Variants in LTBP3 observed in about 807,000 individuals in gnomAD.
The protein encoded by LTBP3 is latent-transforming growth factor beta-binding protein 3.
A neutral mutation model predicts 159.7 loss-of-function variants in LTBP3; 97 were observed. That is an observed-to-expected ratio of 0.61 (90% CI 0.52 to 0.72). The LOEUF (loss-of-function observed/expected upper bound fraction) is 0.72, where lower values mean the gene tolerates loss of function less well. Among genes scored for constraint, LTBP3 ranks in the 30% least tolerant of loss-of-function variants. LTBP3 has a pLI of 0.00. For synonymous variants in LTBP3, 824 were observed against 777.1 expected, an observed-to-expected ratio of 1.06 and a Z score of -1.00; for missense variants, 1,584 against 1,864.3, an observed-to-expected ratio of 0.85 and a Z score of 2.77.
At position 65,553,887 on chromosome 11, in the gene LTBP3, G is replaced by A. The variant is rs918507345; in HGVS notation, c.678C>T (p.Pro226=). Reference sequence around the variant, plus strand: ...GGTGATGGACGCGCACATTCACCACGGGGGGCGGGGCCTGCACTGGGGGCG... The same window carrying A: ...GGTGATGGACGCGCACATTCACCACAGGGGGCGGGGCCTGCACTGGGGGCG... ...QISAEVQAPP[P]VVNVRVHHPP... Residue 226 remains proline, a synonymous_variant, in exon 3 of 28, where the codon CCC becomes CCT. Transcript: ENST00000301873. This position sits in a 1 kb window ranked among gnomAD's most constrained non-coding sequence, Gnocchi z 6.5. 3 of 1,550,580 alleles carry A rather than the reference G, an allele frequency of 1.9e-6. No homozygotes were observed. The African/African-American group carries it at 4.1e-5, about 21-fold the overall frequency.
intron 18 of LTBP3, among the ~76,000 whole-genome samples, chr11:65,542,224 T>C (rs1856168349): frequency 6.6e-6 from 1 of 152,048 alleles, no homozygotes; most frequent in African/African-American, 2.4e-5. Context: ...CACCTCCCCA[T>C]TGCAATTAAT....
rs538871866 is a variant in LTBP3, at chr11:65,547,664, G to T, written c.1978+26C>A. On this transcript the variant is annotated intron_variant, in intron 13 of 27. Transcript: ENST00000301873. This position sits in a 1 kb window ranked among gnomAD's most constrained non-coding sequence, Gnocchi z 4.6. ...TGGAGGAGAGCCCGTCCCACCCAGG[G>T]CCGCCTCCGCCCTGGCGGCGCTCAC... 299 of 1,605,772 alleles carry T rather than the reference G, an allele frequency of 1.9e-4. No individual in the cohort carries two copies. In the South Asian group the frequency reaches 3.1e-3, roughly 17 times the overall value.
Position 65,543,534 on chromosome 11 carries a change from T to C in LTBP3, c.2369A>G (p.Glu790Gly), listed in dbSNP as rs1381580940. 6.2e-7 allele frequency: 1 copy of C among 1,614,048 alleles called. No homozygotes were observed. Among genetic ancestry groups the C allele is most frequent in the Non-Finnish European group, 8.5e-7 (1 of 1,179,972 alleles). Residue 790 changes from glutamate to glycine, a missense_variant, in exon 17 of 28, where the codon GAG becomes GGG. Glu to Gly is a moderately conservative substitution (Grantham distance 98, BLOSUM62 -2). Around this residue, in one of 6 missense-constraint regions of LTBP3, gnomAD observed 565 missense variants for 677.7 expected, o/e 0.83. Coordinates refer to ENST00000301873, the MANE Select transcript of LTBP3 (RefSeq NM_001130144.3). The stretch of plus-strand genomic sequence containing the variant: ...GCCATTGTCACACACGTCCCCAGCC[T>C]CACACTCGTCCACATCTGCAGGGCA... Reference protein sequence around the residue: ...GRSCLDVDECEAGDVCDNGIC... With the variant: ...GRSCLDVDECGAGDVCDNGIC...
rs1431042743 is a variant in LTBP3, at chr11:65,546,435, C to T, written c.2353+7G>A. ...CGGAGGCCCGGGGCGGGGGTGCTGG[C>T]GCTCACCCAAGCAACTGCGGCCGTC... On this transcript the variant is annotated splice_region_variant and intron_variant, in intron 16 of 27. Coordinates refer to ENST00000301873, the MANE Select transcript of LTBP3 (RefSeq NM_001130144.3). This position sits in a 1 kb window ranked among gnomAD's most constrained non-coding sequence, Gnocchi z 4.0. The T allele has an allele frequency of 1.3e-6, 2 of 1,547,736 alleles. No individual in the cohort carries two copies. The highest frequency in any genetic ancestry group is 1.9e-5 in the Admixed American group (1 of 52,024).
chr11:65,556,930 G>T (rs892667991), intron 1 of LTBP3, among the ~76,000 whole-genome samples: 3 of 151,920 alleles, frequency 2.0e-5, no homozygotes, highest in Admixed American at 6.5e-5. Flanking sequence ...TGGGGAGGGG[G>T]TGGACTCCAA....
chr11:65,539,626 A>G lies in LTBP3; in HGVS notation c.3550T>C (p.Ser1184Pro). 2 of 1,609,910 alleles carry G rather than the reference A, an allele frequency of 1.2e-6. No individual in the cohort carries two copies. Among genetic ancestry groups the G allele is most frequent in the Non-Finnish European group, 1.7e-6 (2 of 1,178,682 alleles). ...CRPCPPRGAG[S>P]HCPTSQSESN... ...TCGCTCTGCGATGTCGGGCAATGGG[A>G]CCCTGGGAGGAGCAGAACTGGTCAG... The change falls in exon 26 of 28, where the codon TCC (serine) becomes CCC (proline). Residue 1184 changes from serine (S) to proline (P), a missense_variant and splice_region_variant. Ser to Pro is a moderately conservative substitution (Grantham distance 74, BLOSUM62 -1). Coordinates refer to ENST00000301873, the MANE Select transcript of LTBP3 (RefSeq NM_001130144.3).
chr11:65,556,606 G>A (rs775425197), intron 1 of LTBP3, among the ~76,000 whole-genome samples: 4 of 152,318 alleles, frequency 2.6e-5, no homozygotes, highest in Non-Finnish European at 4.4e-5. Context: ...ACACAAAGAC[G>A]GGTACTTCAC....
In LTBP3 at chr11:65,553,401, C is replaced by T. The variant is rs1856684270; in HGVS notation, c.970+24G>A. On this transcript the variant is annotated intron_variant, in intron 4 of 27. Transcript: ENST00000301873. The surrounding 1 kb of genome is among the most constrained non-coding windows in gnomAD (Gnocchi z 6.5). The stretch of plus-strand genomic sequence containing the variant: ...TGGGGAGGGGCCACCAGATAGGGAA[C>T]GCCCCCTGAGCCCAAGCACTCACAC... 5 of 1,594,598 alleles carry T rather than the reference C, an allele frequency of 3.1e-6. No individual in the cohort carries two copies. Among genetic ancestry groups the T allele is most frequent in the Non-Finnish European group, 3.4e-6 (4 of 1,164,836 alleles).
chr11:65,538,714 C>T lies in LTBP3; in HGVS notation c.*366G>A. ...TAAATTCTATTTCACACCCCTTGTG[C>T]CGGGCTCAGTCTAGCCCCTGGGAGG... On this transcript the variant is annotated 3_prime_UTR_variant, in exon 28 of 28. Transcript: ENST00000301873. The T allele has an allele frequency of 1.7e-6, 2 of 1,144,132 alleles. No individual in the cohort carries two copies. Among genetic ancestry groups the T allele is most frequent in the Non-Finnish European group, 2.4e-6 (2 of 830,444 alleles). 70.9% of individuals were successfully genotyped at this position (1,144,132 alleles called of 1,614,324 possible). A position where few individuals can be genotyped will look rare whatever the true frequency, so the allele number is the denominator to read the frequency against.
Position 65,552,945 on chromosome 11 carries a change from A to G in LTBP3, c.1101T>C (p.His367=), listed in dbSNP as rs138668677. ...NECAMPGVCR[H]GDCLNNPGSY... ...AGCCAGGGTTGTTGAGGCAGTCACC[A>G]TGGCGACACACGCCCGGCATTGCGC... The change falls in exon 6 of 28, where the codon CAT becomes CAC. Residue 367 remains histidine, a synonymous_variant. Transcript: ENST00000301873. The surrounding 1 kb of genome is among the most constrained non-coding windows in gnomAD (Gnocchi z 6.0). 1.0e-4 allele frequency: 168 copies of G among 1,614,048 alleles called. No homozygotes were observed. Among genetic ancestry groups the G allele is most frequent in the Non-Finnish European group, 1.3e-4 (159 of 1,180,022 alleles).
Position 65,539,844 on chromosome 11 carries a change from C to A in LTBP3, c.3423G>T (p.Gln1141His), listed in dbSNP as rs983770970. 9 of 1,525,044 alleles carry A rather than the reference C, an allele frequency of 5.9e-6. No homozygotes were observed. The East Asian group carries it at 1.8e-4, about 30-fold the overall frequency. 94.5% of individuals were successfully genotyped at this position (1,525,044 alleles called of 1,614,324 possible). ...APERRDVCWSQRGEDGMCAGP... is the reference protein window; with the variant it reads ...APERRDVCWSHRGEDGMCAGP... ...CAGCGCACATGCCGTCCTCTCCGCGCTGGCTCCAGCACACGTCGCGCCGCT... is the reference window on the plus strand; with the variant it reads ...CAGCGCACATGCCGTCCTCTCCGCGATGGCTCCAGCACACGTCGCGCCGCT... The change falls in exon 25 of 28, where the codon CAG becomes CAT. Residue 1141 changes from glutamine to histidine, a missense_variant. Gln to His is a conservative substitution (Grantham distance 24, BLOSUM62 0). Transcript: ENST00000301873.
At chr11:65,543,574 G>A in intron 16 of LTBP3, 25 bp from the exon 17 acceptor site, 3 of 1,613,902 alleles carry the variant, frequency 1.9e-6, no homozygotes, top group Non-Finnish European at 2.5e-6. Context: ...GGGTGTCAGA[G>A]GACCAGGCTG....
Position 65,538,754 on chromosome 11 carries a change from C to T in LTBP3, c.*326G>A, listed in dbSNP as rs1855879639. On this transcript the variant is annotated 3_prime_UTR_variant, in exon 28 of 28. Transcript: ENST00000301873. ...CCCCTGGGAGGCGGCTGGGGTCTGG[C>T]GCCGCCCTGCGCAGCCCGCGCCCAC... The T allele has an allele frequency of 6.6e-6, 6 of 915,074 alleles. No individual in the cohort carries two copies. The highest frequency in any genetic ancestry group is 3.6e-5 in the South Asian group (2 of 55,394). 56.7% of individuals were successfully genotyped at this position (915,074 alleles called of 1,614,324 possible).
chr11:65,546,721 C>T lies in LTBP3; in HGVS notation c.2230+77G>A, dbSNP rs941066546. On this transcript the variant is annotated intron_variant, in intron 15 of 27. Coordinates refer to ENST00000301873, the MANE Select transcript of LTBP3 (RefSeq NM_001130144.3). This position sits in a 1 kb window ranked among gnomAD's most constrained non-coding sequence, Gnocchi z 4.0. ...CAGACGCCAATCACCACCGCTACCC[C>T]GCCCCGCCCCCAGCGGAGCCAGACT... is the stretch of plus-strand genomic sequence containing the variant. 3.3e-6 allele frequency: 5 copies of T among 1,531,720 alleles called. No individual in the cohort carries two copies. The highest frequency in any genetic ancestry group is 1.9e-5 in the Admixed American group (1 of 53,240). The allele number at this position is 1,531,720 out of a possible 1,614,324, so 94.9% of individuals were successfully genotyped here.
intron 8 of LTBP3, 139 bp downstream of exon 8, chr11:65,551,833 G>T: frequency 1.8e-6 from 2 of 1,082,212 alleles, no homozygotes; most frequent in Non-Finnish European, 2.8e-6. Context: ...GGGTCAGAGG[G>T]TCAGGTGGGA....
In LTBP3 at chr11:65,546,732, CA is replaced by C. The variant is rs1856388420; in HGVS notation, c.2230+65del. Reference sequence around the variant, plus strand: ...CACCACCGCTACCCCGCCCCGCCCCCAGCGGAGCCAGACTGGGGGAGGCACC... The same window carrying C: ...CACCACCGCTACCCCGCCCCGCCCCCGCGGAGCCAGACTGGGGGAGGCACC... On this transcript the variant is annotated intron_variant, in intron 15 of 27. Coordinates refer to ENST00000301873, the MANE Select transcript of LTBP3 (RefSeq NM_001130144.3). The surrounding 1 kb of genome is among the most constrained non-coding windows in gnomAD (Gnocchi z 4.0). 6.5e-7 allele frequency: 1 copy of C among 1,542,330 alleles called. No homozygotes were observed. The highest frequency in any genetic ancestry group is 1.8e-5 in the Admixed American group (1 of 55,254).
Position 65,547,443 on chromosome 11 carries a change from G to A in LTBP3, c.2103C>T (p.Cys701=), listed in dbSNP as rs372656043. 2.7e-5 allele frequency: 43 copies of A among 1,613,402 alleles called. No homozygotes were observed. Among genetic ancestry groups the A allele is most frequent in the Non-Finnish European group, 3.3e-5 (39 of 1,179,972 alleles). Residue 701 remains cysteine (C), a synonymous_variant, in exon 14 of 28, where the codon TGC becomes TGT. Coordinates refer to ENST00000301873, the MANE Select transcript of LTBP3 (RefSeq NM_001130144.3). This position sits in a 1 kb window ranked among gnomAD's most constrained non-coding sequence, Gnocchi z 4.6. ...GTCTGAATGGGGTCCCCTCACCTTC[G>A]CACACAGGAGGCCGGGAGGCTTTGA... ...YRLKASRPPV[C]EDIDECRDPS...
rs1284587171 is a variant in LTBP3 at position 65,538,645 on chromosome 11, C to T, written c.*435G>A. The T allele has an allele frequency of 4.7e-6, 7 of 1,487,956 alleles. No individual in the cohort carries two copies. Among genetic ancestry groups the T allele is most frequent in the South Asian group, 2.6e-5 (2 of 77,502 alleles). The allele number at this position is 1,487,956 out of a possible 1,614,324, so 92.2% of individuals were successfully genotyped here. On this transcript the variant is annotated 3_prime_UTR_variant, in exon 28 of 28. Coordinates refer to ENST00000301873, the MANE Select transcript of LTBP3 (RefSeq NM_001130144.3). The stretch of plus-strand genomic sequence containing the variant: ...ATTGTACAAACCATGTGAGCCCGGC[C>T]GGCCCAGCCAGGCCATCTCACGTGT...
intron 22 of LTBP3, 26 bp downstream of exon 22, chr11:65,540,460 C>T (rs750865186): frequency 1.4e-5 from 22 of 1,612,648 alleles, no homozygotes; most frequent in Non-Finnish European, 1.8e-5. Flanking sequence ...GCCGCTTCCC[C>T]ACGGCCGCCG....
Sources: allele counts gnomAD v4.1 joint callset (sites outside exome capture counted in the v4.1 genomes callset), GRCh38; gene constraint gnomAD v4.1.1; regional missense constraint gnomAD v4.1.1; non-coding constraint Gnocchi (gnomAD v3.1); transcripts MANE v1.5; gene names NCBI Gene and HGNC (gene_info 2026-07-23, HGNC 2026-07-21).